The following CRTAC1 variants were observed in gnomAD, a reference collection of about 807,000 sequenced individuals.
CRTAC1 encodes cartilage acidic protein 1.
In CRTAC1, 37 loss-of-function variants were observed where a neutral mutation model predicts 67.8. The ratio of observed to expected loss-of-function variants is 0.55; its 90% CI spans 0.42 to 0.72. The LOEUF (loss-of-function observed/expected upper bound fraction) is 0.72, where lower values mean the gene tolerates loss of function less well. Ranked by LOEUF, CRTAC1 falls within the 30% of genes least tolerant of loss-of-function variation. CRTAC1 has a pLI of 0.00. For missense variants in CRTAC1, 780 were observed against 931.6 expected, an observed-to-expected ratio of 0.84 and a Z score of 2.12; for synonymous variants, 348 against 371.0, an observed-to-expected ratio of 0.94 and a Z score of 0.71.
At chr10:97,932,942 G>C (rs917713610) in intron 3 of CRTAC1, among the ~76,000 whole-genome samples, 30 of 152,354 alleles carry the variant, frequency 2.0e-4, no homozygotes, top group African/African-American at 7.2e-4. Context: ...TTGGGATGCA[G>C]GGTGCTTGCC....
intron 8 of CRTAC1, among the ~76,000 whole-genome samples, chr10:97,900,527 TA>T: frequency 7.2e-6 from 1 of 139,566 alleles, no homozygotes; most frequent in South Asian, 2.4e-4. Flanking sequence ...CTTTTCCTGG[TA>T]GTGATTGGAC....
At chr10:97,874,723 C>T (rs1051228108) in intron 14 of CRTAC1, among the ~76,000 whole-genome samples, 1 of 152,154 alleles carries the variant, frequency 6.6e-6, no homozygotes, top group African/African-American at 2.4e-5. Flanking sequence ...GAGGTATTAT[C>T]CCCATCTTGC....
intron 2 of CRTAC1, among the ~76,000 whole-genome samples, chr10:97,949,973 C>G (rs1385200563): frequency 6.6e-6 from 1 of 152,104 alleles, no homozygotes; most frequent in Non-Finnish European, 1.5e-5. Context: ...AATGGGAGCT[C>G]AAAAAATATT....
chr10:97,924,591 G>A (rs1248053407), intron 3 of CRTAC1, among the ~76,000 whole-genome samples: 2 of 152,188 alleles, frequency 1.3e-5, no homozygotes, highest in Non-Finnish European at 2.9e-5. Flanking sequence ...GAGGCATGCT[G>A]CCCAGCATCT....
At chr10:97,937,794 C>T (rs1374379205) in intron 2 of CRTAC1, among the ~76,000 whole-genome samples, 1 of 152,162 alleles carries the variant, frequency 6.6e-6, no homozygotes, top group Non-Finnish European at 1.5e-5. Flanking sequence ...ACCAGCTTGC[C>T]AGGTTCTCCC....
At chr10:97,916,268 G>A (rs145355340) in intron 5 of CRTAC1, among the ~76,000 whole-genome samples, 5 of 152,034 alleles carry the variant, frequency 3.3e-5, no homozygotes, top group Admixed American at 2.0e-4. Context: ...AGGCTGAAGC[G>A]CCTGCATGTT....
At chr10:98,008,163 GC>G (rs1423574754) in intron 2 of CRTAC1, among the ~76,000 whole-genome samples, 2 of 152,184 alleles carry the variant, frequency 1.3e-5, no homozygotes, top group African/African-American at 4.8e-5. Context: ...GCCAGCACCA[GC>G]CCTGGGGCCA....
intron 4 of CRTAC1, among the ~76,000 whole-genome samples, chr10:97,920,720 G>A (rs1405628979): frequency 6.6e-6 from 1 of 152,244 alleles, no homozygotes; most frequent in Non-Finnish European, 1.5e-5. Context: ...ATCCCTGGCT[G>A]CCTCCAGGCT....
intron 8 of CRTAC1, among the ~76,000 whole-genome samples, chr10:97,898,686 C>T (rs183424447): frequency 1.3e-5 from 2 of 152,140 alleles, no homozygotes; most frequent in East Asian, 3.9e-4. Flanking sequence ...GCATTTTCAA[C>T]GGCTCTGTCT....
chr10:97,962,845 G>A (rs370333589), intron 2 of CRTAC1, among the ~76,000 whole-genome samples: 2 of 151,026 alleles, frequency 1.3e-5, no homozygotes, highest in South Asian at 4.2e-4. Context: ...GCATCTCGGT[G>A]GCATCAACAT....
At chr10:97,870,262 C>G (rs1399296918) in intron 14 of CRTAC1, 1 of 152,130 alleles carries the variant, frequency 6.6e-6, no homozygotes, top group African/African-American at 2.4e-5. Context: ...TTGACAGTAC[C>G]TATAGCCTAT....
chr10:97,933,529 G>A (rs1287776516), intron 3 of CRTAC1, among the ~76,000 whole-genome samples: 1 of 152,340 alleles, frequency 6.6e-6, no homozygotes, highest in East Asian at 1.9e-4. Context: ...TCTGGCTGGG[G>A]CCAAAGGGGG....
At position 98,030,435 on chromosome 10, in the gene CRTAC1, G is replaced by GTGCAGATAC. The variant is rs1843349405; in HGVS notation, c.24+5_24+13dup. ...CTCCGCCTTAGGGTGGGGGGCACCGGTGCAGATACTCACGCCGGGGTCAGC... is the reference window on the plus strand; with the variant it reads ...CTCCGCCTTAGGGTGGGGGGCACCGGTGCAGATACTGCAGATACTCACGCCGGGGTCAGC... On this transcript the variant is annotated intron_variant, in intron 1 of 14. Coordinates refer to ENST00000370597, the MANE Select transcript of CRTAC1 (RefSeq NM_018058.7). The surrounding 1 kb of genome is among the most constrained non-coding windows in gnomAD (Gnocchi z 4.2). 2 of 1,249,356 alleles carry GTGCAGATAC rather than the reference G, an allele frequency of 1.6e-6. No individual in the cohort carries two copies. The highest frequency in any genetic ancestry group is 8.3e-5 in the Admixed American group (2 of 24,180). The allele number at this position is 1,249,356 out of a possible 1,614,324, so 77.4% of individuals were successfully genotyped here.
intron 2 of CRTAC1, among the ~76,000 whole-genome samples, chr10:97,958,877 G>A (rs371803874): frequency 1.3e-4 from 20 of 152,256 alleles, no homozygotes; most frequent in African/African-American, 4.8e-4. Flanking sequence ...AAAAAATAAG[G>A]TCCACTCTCT....
chr10:97,925,753 CTG>C (rs2050906060), intron 3 of CRTAC1, among the ~76,000 whole-genome samples: 1 of 149,844 alleles, frequency 6.7e-6, no homozygotes, highest in Non-Finnish European at 1.5e-5. Flanking sequence ...GTGGGCATGA[CTG>C]AGAGTGAGTG....
chr10:97,894,341 C>A (rs2050419724), intron 11 of CRTAC1, among the ~76,000 whole-genome samples: 1 of 151,990 alleles, frequency 6.6e-6, no homozygotes, highest in South Asian at 2.1e-4. Flanking sequence ...GTGATAGTTC[C>A]ATTAATGCCA....
At chr10:97,985,920 C>G (rs976781733) in intron 2 of CRTAC1, among the ~76,000 whole-genome samples, 3 of 152,262 alleles carry the variant, frequency 2.0e-5, no homozygotes, top group African/African-American at 7.2e-5. Flanking sequence ...TGTCCCTGGC[C>G]AGCAAGGGAC....
chr10:97,978,281 G>A lies in CRTAC1; in HGVS notation c.224+32857C>T, dbSNP rs113363415. ...TTTAACAAGGTCTCCGGTGACTTGT[G>A]TACACAGGAGTGCTTCAGAAGCACT... On this transcript the variant is annotated intron_variant, in intron 2 of 14. Coordinates refer to ENST00000370597, the MANE Select transcript of CRTAC1 (RefSeq NM_018058.7). Among the ~76,000 whole-genome samples the A allele has an allele frequency of 3.6e-3, 542 of 152,262 alleles. 10 individuals carry two copies. The highest frequency in any genetic ancestry group is 0.013 in the African/African-American group (521 of 41,556).
chr10:97,986,065 T>C (rs543427415), intron 2 of CRTAC1, among the ~76,000 whole-genome samples: 1 of 152,110 alleles, frequency 6.6e-6, no homozygotes, highest in African/African-American at 2.4e-5. Flanking sequence ...AGCTGCAATG[T>C]GTGGGAAAAG....
Sources: allele counts gnomAD v4.1 joint callset (sites outside exome capture counted in the v4.1 genomes callset), GRCh38; gene constraint gnomAD v4.1.1; non-coding constraint Gnocchi (gnomAD v3.1); transcripts MANE v1.5; gene names NCBI Gene and HGNC (gene_info 2026-07-23, HGNC 2026-07-21).